DOK6: variants seen among roughly 807,000 people sequenced by gnomAD.
DOK6 encodes downstream of tyrosine kinase 6.
In DOK6, 22 loss-of-function variants were observed where a neutral mutation model predicts 44.0. That is an observed-to-expected ratio of 0.50 (90% CI 0.36 to 0.71). DOK6 has a LOEUF of 0.71. Among genes scored for constraint, DOK6 ranks in the 30% least tolerant of loss-of-function variants. The pLI, the probability that DOK6 is intolerant of heterozygous loss-of-function variation, is 0.00. For synonymous variants in DOK6, 166 were observed against 145.5 expected, an observed-to-expected ratio of 1.14 and a Z score of -1.01; for missense variants, 340 against 416.4, an observed-to-expected ratio of 0.82 and a Z score of 1.60.
intron 2 of DOK6, 52 bp from the exon 3 acceptor site, chr18:69,599,332 A>G: frequency 7.7e-7 from 1 of 1,304,298 alleles, no homozygotes; most frequent in South Asian, 1.3e-5. Context: ...TCAGCACTCC[A>G]ACATACAGCA....
At chr18:69,448,428 A>G (rs529119025) in intron 1 of DOK6, among the ~76,000 whole-genome samples, 167 of 152,140 alleles carry the variant, frequency 1.1e-3, no homozygotes, top group Non-Finnish European at 1.8e-3. Flanking sequence ...CTGGAGTCCA[A>G]TGGCGCGTTC....
chr18:69,833,384 C>A (rs953806485), intron 7 of DOK6, among the ~76,000 whole-genome samples: 2 of 152,066 alleles, frequency 1.3e-5, no homozygotes, highest in African/African-American at 2.4e-5. Context: ...AGAGTCCCAT[C>A]TTTCACCACA....
chr18:69,479,786 A>G (rs540167416), intron 1 of DOK6, among the ~76,000 whole-genome samples: 1 of 152,312 alleles, frequency 6.6e-6, no homozygotes, highest in South Asian at 2.1e-4. Flanking sequence ...AGATATAAAA[A>G]TAATTGAGCA....
At chr18:69,413,353 A>G (rs1978314119) in intron 1 of DOK6, among the ~76,000 whole-genome samples, 2 of 152,116 alleles carry the variant, frequency 1.3e-5, no homozygotes, top group South Asian at 4.1e-4. Context: ...ACATTAGAGC[A>G]TCATTAGTGA....
chr18:69,591,010 G>GTATTGCATTTGCAATTTGGTAC (rs1261391612), intron 2 of DOK6, among the ~76,000 whole-genome samples: 1 of 152,062 alleles, frequency 6.6e-6, no homozygotes, highest in African/African-American at 2.4e-5. Context: ...CACTGTTTTG[G>GTATTGCATTTGCAATTTGGTAC]TGCATTTGCA....
At chr18:69,613,048 T>A (rs555777001) in intron 3 of DOK6, among the ~76,000 whole-genome samples, 3 of 152,154 alleles carry the variant, frequency 2.0e-5, no homozygotes, top group African/African-American at 7.2e-5. Flanking sequence ...TTTTTGTACT[T>A]TTTGTATAGA....
At chr18:69,772,605 C>A (rs1304999194) in intron 7 of DOK6, among the ~76,000 whole-genome samples, 2 of 151,988 alleles carry the variant, frequency 1.3e-5, no homozygotes, top group Admixed American at 6.6e-5. Context: ...CAAAAATACA[C>A]AATGGGGAAA....
chr18:69,818,511 T>A (rs1252948834), intron 7 of DOK6, among the ~76,000 whole-genome samples: 2 of 152,188 alleles, frequency 1.3e-5, no homozygotes, highest in African/African-American at 4.8e-5. Context: ...GCTGTCCACC[T>A]GAAGGATTTC....
chr18:69,647,945 G>A (rs947109988), intron 3 of DOK6, among the ~76,000 whole-genome samples: 5 of 152,110 alleles, frequency 3.3e-5, no homozygotes, highest in African/African-American at 1.2e-4. Flanking sequence ...TGCCCAGGGA[G>A]AGCCAGAATG....
chr18:69,482,375 G>C (rs1023007285), intron 1 of DOK6, among the ~76,000 whole-genome samples: 4 of 150,516 alleles, frequency 2.7e-5, no homozygotes, highest in African/African-American at 9.8e-5. Flanking sequence ...CTTCCAAATG[G>C]AAAATTATCA....
rs1334353200 is a variant in DOK6 at position 69,720,860 on chromosome 18, A to C, written c.600-18105A>C. On this transcript the variant is annotated intron_variant, in intron 5 of 7. Transcript: ENST00000382713. ...ATTTTCATCAAATGTAGCTACTTTA[A>C]AATCTAAAGAGATGAAATATATGGA... Among the ~76,000 whole-genome samples the C allele has an allele frequency of 3.3e-5, 5 of 152,330 alleles. No individual in the cohort carries two copies. In the East Asian group the frequency reaches 9.6e-4, roughly 29 times the overall value.
intron 4 of DOK6, among the ~76,000 whole-genome samples, chr18:69,678,982 A>G (rs1985986711): frequency 6.6e-6 from 1 of 152,186 alleles, no homozygotes; most frequent in Non-Finnish European, 1.5e-5. Context: ...GTTCAAGACC[A>G]GCTTGCACAA....
Position 69,712,238 on chromosome 18 carries a change from G to A in DOK6, c.599+13645G>A, listed in dbSNP as rs1401628417. ...AGAGCTTGCAGTGAGCCGAGATCCC[G>A]CCACTGCACTCCAGCCTGGGCGACA... On this transcript the variant is annotated intron_variant, in intron 5 of 7. Coordinates refer to ENST00000382713, the MANE Select transcript of DOK6 (RefSeq NM_152721.6). 4.7e-4 allele frequency among the ~76,000 whole-genome samples: 53 copies of A among 113,348 alleles called. 2 individuals are homozygous for A. Among genetic ancestry groups the A allele is most frequent in the East Asian group, 5.9e-4 (2 of 3,402 alleles). 74.4% of individuals were successfully genotyped at this position (113,348 alleles called of 152,430 possible).
chr18:69,721,703 G>A (rs1198416174), intron 5 of DOK6, among the ~76,000 whole-genome samples: 1 of 142,670 alleles, frequency 7.0e-6, no homozygotes, highest in African/African-American at 2.6e-5. Context: ...TTAAAATGCA[G>A]TAGAAGCACT....
intron 1 of DOK6, among the ~76,000 whole-genome samples, chr18:69,522,130 G>C (rs1158237626): frequency 6.6e-6 from 1 of 151,724 alleles, no homozygotes; most frequent in African/African-American, 2.4e-5. Context: ...CCTTCGAATG[G>C]ACCTGAGGGA....
intron 1 of DOK6, chr18:69,469,664 G>T: frequency 4.1e-6 from 1 of 246,172 alleles, no homozygotes; most frequent in South Asian, 4.1e-5. Flanking sequence ...CCAGAGCCTG[G>T]GCACTGCCGC....
chr18:69,712,078 G>C (rs62092673), intron 5 of DOK6, among the ~76,000 whole-genome samples: 4 of 150,322 alleles, frequency 2.7e-5, no homozygotes, highest in Non-Finnish European at 4.4e-5. Context: ...TCAGGAGATC[G>C]AGACCATCCC....
chr18:69,775,664 TAA>T (rs1231382433), intron 7 of DOK6, among the ~76,000 whole-genome samples: 4 of 150,018 alleles, frequency 2.7e-5, no homozygotes, highest in South Asian at 2.1e-4. Context: ...CACTATAAAA[TAA>T]GAGAGAGAGA....
At chr18:69,552,881 G>C (rs963037997) in intron 1 of DOK6, among the ~76,000 whole-genome samples, 7 of 152,384 alleles carry the variant, frequency 4.6e-5, no homozygotes, top group African/African-American at 1.7e-4. Flanking sequence ...GAGAAAATGT[G>C]TGTGTGTGCA....
Sources: allele counts gnomAD v4.1 joint callset (sites outside exome capture counted in the v4.1 genomes callset), GRCh38; gene constraint gnomAD v4.1.1; transcripts MANE v1.5; gene names NCBI Gene and HGNC (gene_info 2026-07-23, HGNC 2026-07-21).